The following PHACTR2 variants were observed in gnomAD, a reference collection of about 807,000 sequenced individuals.
PHACTR2 encodes phosphatase and actin regulator 2.
Under a neutral mutation model 76.0 loss-of-function variants are expected in PHACTR2, and 30 were observed. The observed-to-expected ratio is 0.39, with a 90% confidence interval of 0.30 to 0.54. PHACTR2 has a LOEUF of 0.54. PHACTR2 is among the 20% of genes least tolerant of loss of function. The pLI is 0.61. For missense variants in PHACTR2, 696 were observed against 781.1 expected, an observed-to-expected ratio of 0.89 and a Z score of 1.30; for synonymous variants, 292 against 292.5, an observed-to-expected ratio of 1.00 and a Z score of 0.02.
rs1777871605 is a variant in PHACTR2, at chr6:143,700,097, A to G, written c.47-11919A>G. On this transcript the variant is annotated intron_variant, in intron 1 of 12. Transcript: ENST00000440869. The surrounding 1 kb of genome is among the most constrained non-coding windows in gnomAD (Gnocchi z 4.1). ...TGGACATAGAGAGAACGTTAGTCACATTATATATATTCTCTGGGCTTTTAT... is the reference window on the plus strand; with the variant it reads ...TGGACATAGAGAGAACGTTAGTCACGTTATATATATTCTCTGGGCTTTTAT... Among the ~76,000 whole-genome samples the G allele has an allele frequency of 6.6e-6, 1 of 152,182 alleles. No homozygotes were observed. Among genetic ancestry groups the G allele is most frequent in the South Asian group, 2.1e-4 (1 of 4,826 alleles).
At chr6:143,587,239 C>T (rs9399449) in intron 1 of PHACTR2, among the ~76,000 whole-genome samples, 108,115 of 152,106 alleles carry the variant, frequency 0.71, 38,702 homozygotes, top group Middle Eastern at 0.8. Context: ...TAATCTATTT[C>T]GGAAAAATTA....
intron 1 of PHACTR2, among the ~76,000 whole-genome samples, chr6:143,691,696 T>G (rs6570572): frequency 0.55 from 83,019 of 151,504 alleles, 23,596 homozygotes; most frequent in African/African-American, 0.73. Context: ...TCATCTGGGG[T>G]TGCTGCATAC....
intron 1 of PHACTR2, among the ~76,000 whole-genome samples, chr6:143,560,325 A>G (rs529509168): frequency 3.9e-5 from 6 of 152,340 alleles, no homozygotes; most frequent in African/African-American, 1.2e-4. Context: ...TAATCAGTCA[A>G]TTCATTGATT....
intron 9 of PHACTR2, among the ~76,000 whole-genome samples, chr6:143,779,841 T>C (rs1441037630): frequency 6.6e-6 from 1 of 151,114 alleles, no homozygotes; most frequent in Non-Finnish European, 1.5e-5. Flanking sequence ...ACTTGATGTC[T>C]TTCCTAATTA....
chr6:143,613,664 A>G (rs1776015504), intron 1 of PHACTR2, among the ~76,000 whole-genome samples: 1 of 152,236 alleles, frequency 6.6e-6, no homozygotes, highest in Admixed American at 6.5e-5. Flanking sequence ...ATTTTTCTGT[A>G]TCACCAAGAT....
Position 143,764,499 on chromosome 6 carries a change from C to T in PHACTR2, c.695-762C>T, listed in dbSNP as rs138611979. Among the ~76,000 whole-genome samples, 301 of 146,532 alleles carry T rather than the reference C, an allele frequency of 2.1e-3. 5 individuals carry two copies. Among genetic ancestry groups the T allele is most frequent in the East Asian group, 1.2e-3 (6 of 5,014 alleles). On this transcript the variant is annotated intron_variant, in intron 5 of 12. Transcript: ENST00000440869. This position sits in a 1 kb window ranked among gnomAD's most constrained non-coding sequence, Gnocchi z 4.7. ...TTGCACCACTGCATTCCAGCCTGGG[C>T]GACAGAACAAGACCTTGTCTCAAAA...
At chr6:143,620,831 G>T (rs895574257) in intron 1 of PHACTR2, among the ~76,000 whole-genome samples, 1 of 152,218 alleles carries the variant, frequency 6.6e-6, no homozygotes, top group Admixed American at 6.5e-5. Flanking sequence ...AAATGTGGTT[G>T]TATTTGCCCT....
In PHACTR2 at chr6:143,783,892, G is replaced by A. The variant is rs140527220; in HGVS notation, c.1707+612G>A. On this transcript the variant is annotated intron_variant, in intron 10 of 12. Transcript: ENST00000440869. The surrounding 1 kb of genome is among the most constrained non-coding windows in gnomAD (Gnocchi z 5.2). ...TGTTTTGAGTCAGGTGCAATGGCACGCACCTGTAGTCCCAGCTACTTGGAA... is the reference window on the plus strand; with the variant it reads ...TGTTTTGAGTCAGGTGCAATGGCACACACCTGTAGTCCCAGCTACTTGGAA... 5.3e-3 allele frequency among the ~76,000 whole-genome samples: 812 copies of A among 152,074 alleles called. 3 individuals carry two copies. The highest frequency in any genetic ancestry group is 0.017 in the African/African-American group (715 of 41,484).
At chr6:143,612,756 A>G (rs1775998162) in intron 1 of PHACTR2, among the ~76,000 whole-genome samples, 1 of 152,194 alleles carries the variant, frequency 6.6e-6, no homozygotes, top group Non-Finnish European at 1.5e-5. Context: ...AAAAAACTTG[A>G]TAAAAAATTA....
chr6:143,541,752 C>T lies in PHACTR2; in HGVS notation c.217+4545C>T, dbSNP rs1485552259. ...GTTCATATGCACTGCTTCCTGGCCA[C>T]TTCCATGAGATACTGCTGTCCAAGA... On this transcript the variant is annotated intron_variant, in intron 1 of 11. Transcript: ENST00000367584. This position sits in a 1 kb window ranked among gnomAD's most constrained non-coding sequence, Gnocchi z 5.3. 1.3e-5 allele frequency among the ~76,000 whole-genome samples: 2 copies of T among 152,208 alleles called. No individual in the cohort carries two copies. The highest frequency in any genetic ancestry group is 2.9e-5 in the Non-Finnish European group (2 of 68,036).
Position 143,581,679 on chromosome 6 carries a change from A to T in PHACTR2, c.217+44472A>T, listed in dbSNP as rs980450109. On this transcript the variant is annotated intron_variant, in intron 1 of 11. Transcript: ENST00000367584. The surrounding 1 kb of genome is among the most constrained non-coding windows in gnomAD (Gnocchi z 4.5). ...ACCCTGTCTCTACCAAAAAATACGA[A>T]CATTAGCTGGACATGGTGGTGGGTG... Among the ~76,000 whole-genome samples the T allele has an allele frequency of 1.3e-5, 2 of 152,000 alleles. No individual in the cohort carries two copies. The highest frequency in any genetic ancestry group is 2.9e-5 in the Non-Finnish European group (2 of 67,978).
chr6:143,576,294 T>A (rs1047401785), intron 1 of PHACTR2, among the ~76,000 whole-genome samples: 1 of 152,216 alleles, frequency 6.6e-6, no homozygotes, highest in African/African-American at 2.4e-5. Flanking sequence ...CTTTGGAAGG[T>A]CTCTCTTCTC....
chr6:143,795,935 C>T lies in PHACTR2; in HGVS notation c.1845+7025C>T, dbSNP rs1299257997. ...TTTTCACCGTTGATTCCTGAGTTTA[C>T]GATCTAGTCTAAAATTATCCAGTGA... On this transcript the variant is annotated intron_variant, in intron 11 of 12. Transcript: ENST00000440869. The surrounding 1 kb of genome is among the most constrained non-coding windows in gnomAD (Gnocchi z 4.8). Among the ~76,000 whole-genome samples, 2 of 152,134 alleles carry T rather than the reference C, an allele frequency of 1.3e-5. No homozygotes were observed. The highest frequency in any genetic ancestry group is 2.9e-5 in the Non-Finnish European group (2 of 68,016).
At chr6:143,568,620 C>T (rs3748072) in intron 1 of PHACTR2, among the ~76,000 whole-genome samples, 93,230 of 152,040 alleles carry the variant, frequency 0.61, 28,913 homozygotes, top group Middle Eastern at 0.73. Context: ...AATGGAAGAA[C>T]TGTAACTCTG....
In PHACTR2 at chr6:143,821,682, G is replaced by A. The variant is rs564244712; in HGVS notation, c.1923-1992G>A. Among the ~76,000 whole-genome samples, 1 of 152,340 alleles carries A rather than the reference G, an allele frequency of 6.6e-6. No individual in the cohort carries two copies. Among genetic ancestry groups the A allele is most frequent in the East Asian group, 1.9e-4 (1 of 5,186 alleles). On this transcript the variant is annotated intron_variant, in intron 12 of 12. Coordinates refer to ENST00000440869, the MANE Select transcript of PHACTR2 (RefSeq NM_001100164.2). The surrounding 1 kb of genome is among the most constrained non-coding windows in gnomAD (Gnocchi z 5.2). Reference sequence around the variant, plus strand: ...AGTGAGACTGCATAAAGCGCAGATGGTAAGAGAGATAAAGGTAGAAGAAAG... The same window carrying A: ...AGTGAGACTGCATAAAGCGCAGATGATAAGAGAGATAAAGGTAGAAGAAAG...
chr6:143,769,830 C>G (rs1427208183), intron 6 of PHACTR2, among the ~76,000 whole-genome samples: 1 of 152,114 alleles, frequency 6.6e-6, no homozygotes, highest in Non-Finnish European at 1.5e-5. Context: ...CCAATTCAAA[C>G]AAGAATGGCT....
chr6:143,720,963 T>G (rs1778429243), intron 2 of PHACTR2, among the ~76,000 whole-genome samples: 1 of 152,204 alleles, frequency 6.6e-6, no homozygotes, highest in Non-Finnish European at 1.5e-5. Flanking sequence ...TAACAAATTA[T>G]GGAACTTCAT....
chr6:143,565,035 A>AC (rs1353765785), intron 1 of PHACTR2, among the ~76,000 whole-genome samples: 1 of 152,214 alleles, frequency 6.6e-6, no homozygotes, highest in African/African-American at 2.4e-5. Flanking sequence ...CAAGAATGGC[A>AC]GTTCAAGCCA....
In PHACTR2 at chr6:143,621,533, T is replaced by G. The variant is rs971511067; in HGVS notation, c.13+13211T>G. Among the ~76,000 whole-genome samples the G allele has an allele frequency of 6.6e-6, 1 of 152,228 alleles. No individual in the cohort carries two copies. Reference sequence around the variant, plus strand: ...CATTAAATTGCAACTCTTTCTTATATTTAATCACATTTACTGGCTTTCTCA... The same window carrying G: ...CATTAAATTGCAACTCTTTCTTATAGTTAATCACATTTACTGGCTTTCTCA... On this transcript the variant is annotated intron_variant, in intron 1 of 11. Transcript: ENST00000305766. This position sits in a 1 kb window ranked among gnomAD's most constrained non-coding sequence, Gnocchi z 4.1.
Sources: gnomAD v4.1 joint callset for allele counts (sites outside exome capture counted in the v4.1 genomes callset) on GRCh38, gnomAD v4.1.1 for gene constraint, Gnocchi (gnomAD v3.1) non-coding constraint, MANE v1.5 for transcripts, NCBI Gene and HGNC (gene_info 2026-07-23, HGNC 2026-07-21) for gene names.